Variants in SDR42E1 observed in about 807,000 individuals in gnomAD.
The protein encoded by SDR42E1 is short chain dehydrogenase/reductase family 42E, member 1.
SDR42E1 carries 5 observed loss-of-function variants against 2.6 expected under a neutral mutation model. The observed-to-expected ratio is 1.94, with a 90% CI of 1.01 to 4.08. SDR42E1 has a LOEUF of 4.08. Ranked by LOEUF, SDR42E1 falls within the 30% of genes most tolerant of loss-of-function variation. SDR42E1 has a pLI of 0.00. For synonymous variants in SDR42E1, 231 were observed against 188.3 expected (o/e 1.23, Z -1.86); for missense variants, 596 against 478.6 (o/e 1.25, Z -2.29).
At position 81,997,305 on chromosome 16, in the gene SDR42E1, G is replaced by A. The variant is rs1912564815; in HGVS notation, c.*1806C>T. 2 of 152,158 alleles carry A rather than the reference G, an allele frequency of 1.3e-5. No homozygotes were observed. Among genetic ancestry groups the A allele is most frequent in the African/African-American group, 4.8e-5 (2 of 41,446 alleles). The allele number at this position is 152,158 out of a possible 1,614,324, so 9.4% of individuals were successfully genotyped here. A position where few individuals can be genotyped will look rare whatever the true frequency, so the allele number is the denominator to read the frequency against. On this transcript the variant is annotated 3_prime_UTR_variant, in exon 3 of 3. Transcript: ENST00000328945. ...GGAAAAGGAAGGATGACTCACATCG[G>A]GCCAAGAGCTCAGCCTCCAAGATCG...
rs764401116 is a variant in SDR42E1, at chr16:82,000,194, G to C, written c.99C>G (p.Val33=). Residue 33 remains valine, a synonymous_variant, in exon 3 of 3, where the codon GTC becomes GTG. Transcript: ENST00000328945. ...TGCTGATGTCAAACAGAATCACATG[G>C]ACTCCATTTTGGTTCAGGGCACAGC... is the stretch of plus-strand genomic sequence containing the variant. ...RLGCALNQNG[V]HVILFDISSP... The C allele has an allele frequency of 1.9e-6, 3 of 1,609,712 alleles. No homozygotes were observed. Among genetic ancestry groups the C allele is most frequent in the Non-Finnish European group, 2.5e-6 (3 of 1,177,944 alleles).
chr16:81,999,595 A>G lies in SDR42E1; in HGVS notation c.698T>C (p.Ile233Thr), dbSNP rs1912668125. 3 of 1,614,030 alleles carry G rather than the reference A, an allele frequency of 1.9e-6. No homozygotes were observed. Residue 233 changes from isoleucine to threonine, a missense_variant, in exon 3 of 3, where the codon ATT becomes ACT. By Grantham distance (89) the Ile-to-Thr change is moderately conservative. Coordinates refer to ENST00000328945, the MANE Select transcript of SDR42E1 (RefSeq NM_145168.3). The stretch of plus-strand genomic sequence containing the variant: ...AGCTCTCAGGGCTTCTGAGGCCAGA[A>G]TGTGAGCCTGCACCAAGTTATCCAC... ...VHVDNLVQAH[I>T]LASEALRADK...
In SDR42E1 at chr16:81,991,697, G is replaced by A. The variant is rs1318623022; in HGVS notation, c.*7414C>T. ...CTGTACTCTAGCCTGGGTGACAGAC[G>A]AGACTCTATCAAAAAAAAAAAAAAA... On this transcript the variant is annotated 3_prime_UTR_variant, in exon 3 of 3. Transcript: ENST00000328945. The A allele has an allele frequency of 2.9e-5, 4 of 140,046 alleles. No homozygotes were observed. Among genetic ancestry groups the A allele is most frequent in the African/African-American group, 1.2e-4 (4 of 33,936 alleles). The allele number at this position is 140,046 out of a possible 1,614,324, so 8.7% of individuals were successfully genotyped here.
rs981202520 is a variant in SDR42E1, at chr16:81,999,653, C to T, written c.640G>A (p.Gly214Arg). The change falls in exon 3 of 3, where the codon GGG (glycine) becomes AGG (arginine). Residue 214 changes from glycine (G) to arginine (R), a missense_variant. Coordinates refer to ENST00000328945, the MANE Select transcript of SDR42E1 (RefSeq NM_145168.3). ...AACTCAACCAGGCTCCTGGGGTCCC[C>T]GTAGACAAACTTGAACAGACCCTTC... ...IEKGLFKFVY[G>R]DPRSLVEFVH... 2.0e-5 allele frequency: 32 copies of T among 1,614,034 alleles called. No homozygotes were observed. Among genetic ancestry groups the T allele is most frequent in the East Asian group, 2.2e-5 (1 of 44,902 alleles).
chr16:82,000,696 C>T (rs1912727568), intron 2 of SDR42E1, 95 bp downstream of exon 2: 1 of 919,658 alleles, frequency 1.1e-6, no homozygotes, highest in Non-Finnish European at 1.7e-6. Context: ...TGACATTACA[C>T]AAACAAGTAA....
At chr16:82,000,485 C>A in intron 2 of SDR42E1, 1 of 626,632 alleles carries the variant, frequency 1.6e-6, no homozygotes. Flanking sequence ...GGTTCTAGGG[C>A]CCACTATCTA....
At chr16:82,000,304 T>C (rs764772249) in intron 2 of SDR42E1, 80 bp from the exon 3 acceptor site, 2 of 1,554,734 alleles carry the variant, frequency 1.3e-6, no homozygotes, top group Non-Finnish European at 1.8e-6. Flanking sequence ...AATTTACCAA[T>C]CAAGGTGGGG....
intron 1 of SDR42E1, among the ~76,000 whole-genome samples, chr16:82,010,387 C>T (rs568195327): frequency 1.1e-4 from 16 of 152,210 alleles, no homozygotes; most frequent in South Asian, 2.1e-4. Context: ...CATGTAATGC[C>T]GCACAATAAG....
chr16:82,010,457 C>T lies in SDR42E1; in HGVS notation c.-27+930G>A, dbSNP rs182667233. ...TTATCACTGTGAAAGGAAAATAAAT[C>T]TTGGGGTCCCAAGATCACTAAGCTA... On this transcript the variant is annotated intron_variant, in intron 1 of 2. Coordinates refer to ENST00000328945, the MANE Select transcript of SDR42E1 (RefSeq NM_145168.3). 6.6e-3 allele frequency among the ~76,000 whole-genome samples: 1,001 copies of T among 152,232 alleles called. 8 individuals carry two copies. Among genetic ancestry groups the T allele is most frequent in the Non-Finnish European group, 0.011 (743 of 68,004 alleles).
intron 1 of SDR42E1, among the ~76,000 whole-genome samples, chr16:82,010,950 C>G (rs970061278): frequency 6.6e-6 from 1 of 152,184 alleles, no homozygotes; most frequent in Admixed American, 6.5e-5. Flanking sequence ...TTTGTTTAAA[C>G]CTACTTACCT....
chr16:81,999,358 G>A lies in SDR42E1; in HGVS notation c.935C>T (p.Thr312Ile), dbSNP rs752657272. ...ACCAGTTTTGTAAACTTCAGTGCGA[G>A]TGAGGAAGGGCTGGAAGTTGTAGAG... ...GRLYNFQPFL[T>I]RTEVYKTGVT... Residue 312 changes from threonine (T) to isoleucine (I), a missense_variant, in exon 3 of 3, where the codon ACT becomes ATT. Coordinates refer to ENST00000328945, the MANE Select transcript of SDR42E1 (RefSeq NM_145168.3). The A allele has an allele frequency of 3.7e-5, 60 of 1,614,100 alleles. No individual in the cohort carries two copies. The highest frequency in any genetic ancestry group is 4.8e-5 in the Non-Finnish European group (57 of 1,180,044).
rs1912417900 is a variant in SDR42E1, at chr16:81,991,094, A to C, written c.*8017T>G. On this transcript the variant is annotated 3_prime_UTR_variant, in exon 3 of 3. Coordinates refer to ENST00000328945, the MANE Select transcript of SDR42E1 (RefSeq NM_145168.3). ...CTAGGACATGTGCAATGTGACCAAT[A>C]TCAGTATTTGATTAGGTACACAAAC... is the stretch of plus-strand genomic sequence containing the variant. The C allele has an allele frequency of 6.6e-6, 1 of 152,138 alleles. No individual in the cohort carries two copies. Among genetic ancestry groups the C allele is most frequent in the African/African-American group, 2.4e-5 (1 of 41,420 alleles). The allele number at this position is 152,138 out of a possible 1,614,324, so 9.4% of individuals were successfully genotyped here. A position where few individuals can be genotyped will look rare whatever the true frequency, so the allele number is the denominator to read the frequency against.
rs553834473 is a variant in SDR42E1 at position 81,989,645 on chromosome 16, T to G, written c.*9466A>C. ...CTACTTGTTCTCTAGCATGGTGTAA[T>G]TGACTCTGCAATCTCAAGAAAAGAA... On this transcript the variant is annotated 3_prime_UTR_variant, in exon 3 of 3. Coordinates refer to ENST00000328945, the MANE Select transcript of SDR42E1 (RefSeq NM_145168.3). 6.6e-6 allele frequency: 1 copy of G among 152,208 alleles called. No homozygotes were observed. Among genetic ancestry groups the G allele is most frequent in the Non-Finnish European group, 1.5e-5 (1 of 68,040 alleles). The allele number at this position is 152,208 out of a possible 1,614,324, so 9.4% of individuals were successfully genotyped here.
chr16:82,000,239 A>G lies in SDR42E1; in HGVS notation c.69-15T>C, dbSNP rs753329822. On this transcript the variant is annotated splice_polypyrimidine_tract_variant and intron_variant, in intron 2 of 2. Coordinates refer to ENST00000328945, the MANE Select transcript of SDR42E1 (RefSeq NM_145168.3). The stretch of plus-strand genomic sequence containing the variant: ...CACAGCCCAGGCTGAAATAAGAAAC[A>G]GTAAACGTTGAATCAAGTCACTCTT... 1.2e-6 allele frequency: 2 copies of G among 1,601,536 alleles called. No homozygotes were observed. Among genetic ancestry groups the G allele is most frequent in the South Asian group, 1.1e-5 (1 of 91,050 alleles).
intron 1 of SDR42E1, among the ~76,000 whole-genome samples, chr16:82,005,047 C>T (rs552890704): frequency 6.6e-6 from 1 of 152,344 alleles, no homozygotes; most frequent in South Asian, 2.1e-4. Flanking sequence ...AAGAATTCCA[C>T]CATAAGGAAT....
intron 1 of SDR42E1, among the ~76,000 whole-genome samples, chr16:82,001,687 G>A (rs1206490061): frequency 1.3e-5 from 2 of 152,024 alleles, no homozygotes; most frequent in Admixed American, 1.3e-4. Context: ...CGGATCATGA[G>A]GTCAGGAGAT....
rs139675052 is a variant in SDR42E1, at chr16:82,005,613, T to C, written c.-26-4729A>G. Among the ~76,000 whole-genome samples, 4 of 152,326 alleles carry C rather than the reference T, an allele frequency of 2.6e-5. No homozygotes were observed. In the East Asian group the frequency reaches 7.7e-4, roughly 29 times the overall value. On this transcript the variant is annotated intron_variant, in intron 1 of 2. Coordinates refer to ENST00000328945, the MANE Select transcript of SDR42E1 (RefSeq NM_145168.3). ...TGTTCTTCAACCAGCTGCCTGATTT[T>C]CATCTACTCTGTGGCTTCTGTTTTA... is the stretch of plus-strand genomic sequence containing the variant.
At chr16:82,009,088 C>A (rs1220739119) in intron 1 of SDR42E1, among the ~76,000 whole-genome samples, 1 of 152,216 alleles carries the variant, frequency 6.6e-6, no homozygotes, top group Non-Finnish European at 1.5e-5. Context: ...AAGTCAAGAA[C>A]TGAGGTTTGG....
chr16:82,005,347 A>T (rs1912899699), intron 1 of SDR42E1, among the ~76,000 whole-genome samples: 1 of 152,200 alleles, frequency 6.6e-6, no homozygotes, highest in Admixed American at 6.5e-5. Context: ...GTCAGAAGAG[A>T]AAGATAAGAA....
Sources: gnomAD v4.1 joint callset for allele counts (sites outside exome capture counted in the v4.1 genomes callset) on GRCh38, gnomAD v4.1.1 for gene constraint, MANE v1.5 for transcripts, NCBI Gene and HGNC (gene_info 2026-07-23, HGNC 2026-07-21) for gene names.